The following SCFD2 variants were observed in gnomAD, a reference collection of about 807,000 sequenced individuals.
SCFD2 encodes the protein sec1 family domain containing 2.
SCFD2 carries 54 observed loss-of-function variants against 58.9 expected under a neutral mutation model. That is an observed-to-expected ratio of 0.92 (90% confidence interval 0.74 to 1.15). The LOEUF (loss-of-function observed/expected upper bound fraction) is 1.15, where lower values mean the gene tolerates loss of function less well. Ranked by LOEUF, SCFD2 falls within the 50% of genes most tolerant of loss-of-function variation. The pLI, the probability that SCFD2 is intolerant of heterozygous loss-of-function variation, is 0.00. For missense variants in SCFD2, 805 were observed against 836.6 expected (o/e 0.96, Z 0.47); for synonymous variants, 321 against 335.9 (o/e 0.96, Z 0.49).
At chr4:53,181,315 G>A (rs767864482) in intron 4 of SCFD2, among the ~76,000 whole-genome samples, 1 of 152,170 alleles carries the variant, frequency 6.6e-6, no homozygotes, top group Non-Finnish European at 1.5e-5. Flanking sequence ...CCATGATCAA[G>A]TGGGCTTCAT....
chr4:53,069,599 C>A (rs1723760688), intron 5 of SCFD2, among the ~76,000 whole-genome samples: 1 of 151,990 alleles, frequency 6.6e-6, no homozygotes, highest in African/African-American at 2.4e-5. Context: ...AAGAATGCTA[C>A]TTTTGTTTAT....
At chr4:53,237,191 G>T (rs1396331062) in intron 4 of SCFD2, among the ~76,000 whole-genome samples, 1 of 149,498 alleles carries the variant, frequency 6.7e-6, no homozygotes, top group South Asian at 2.2e-4. Context: ...CAAGGCAGAA[G>T]AATTTTTCTT....
chr4:53,254,758 TG>T (rs1290785598), intron 4 of SCFD2, among the ~76,000 whole-genome samples: 1 of 151,826 alleles, frequency 6.6e-6, no homozygotes, highest in Non-Finnish European at 1.5e-5. Context: ...GCACTGAAAT[TG>T]TGGCTGGTGC....
intron 5 of SCFD2, among the ~76,000 whole-genome samples, chr4:52,989,831 C>T (rs1306365532): frequency 6.6e-6 from 1 of 152,118 alleles, no homozygotes; most frequent in Non-Finnish European, 1.5e-5. Flanking sequence ...CTGATGCCCC[C>T]TCCCACCATC....
At chr4:52,905,667 G>C (rs1023138457) in intron 7 of SCFD2, among the ~76,000 whole-genome samples, 1 of 152,210 alleles carries the variant, frequency 6.6e-6, no homozygotes, top group East Asian at 1.9e-4. Context: ...GTTTGAAATG[G>C]AGAGAAACAC....
intron 4 of SCFD2, among the ~76,000 whole-genome samples, chr4:53,173,431 A>G (rs949401490): frequency 2.0e-5 from 3 of 152,108 alleles, no homozygotes; most frequent in Non-Finnish European, 4.4e-5. Flanking sequence ...TTTGTGTGGA[A>G]TATCTTTTTC....
intron 4 of SCFD2, among the ~76,000 whole-genome samples, chr4:53,186,470 T>C (rs950120149): frequency 3.3e-5 from 5 of 152,020 alleles, no homozygotes; most frequent in Admixed American, 6.6e-5. Flanking sequence ...AGAAAATGTT[T>C]GTTGAACTTA....
At chr4:53,297,528 T>C (rs1732085172) in intron 3 of SCFD2, among the ~76,000 whole-genome samples, 1 of 152,158 alleles carries the variant, frequency 6.6e-6, no homozygotes, top group Admixed American at 6.5e-5. Context: ...TCTATCCCCT[T>C]ATTTTGAGCC....
At chr4:53,101,323 C>T (rs1459424933) in intron 5 of SCFD2, among the ~76,000 whole-genome samples, 1 of 152,158 alleles carries the variant, frequency 6.6e-6, no homozygotes, top group Non-Finnish European at 1.5e-5. Flanking sequence ...CTCTTTGACT[C>T]TCTTTGATTC....
chr4:53,193,119 A>G (rs1308139206), intron 4 of SCFD2, among the ~76,000 whole-genome samples: 4 of 152,208 alleles, frequency 2.6e-5, no homozygotes, highest in African/African-American at 9.6e-5. Flanking sequence ...CTTTAAGGTC[A>G]GCCAAATAAA....
At chr4:53,117,216 C>T (rs1725349610) in intron 5 of SCFD2, among the ~76,000 whole-genome samples, 1 of 152,166 alleles carries the variant, frequency 6.6e-6, no homozygotes, top group African/African-American at 2.4e-5. Context: ...ACAAGAGGGG[C>T]CACATTTTAA....
At chr4:53,172,100 G>A in intron 4 of SCFD2, among the ~76,000 whole-genome samples, 1 of 151,822 alleles carries the variant, frequency 6.6e-6, no homozygotes, top group Non-Finnish European at 1.5e-5. Flanking sequence ...TTCATCTCCT[G>A]GGTTCAACTG....
At chr4:52,903,886 T>C (rs886667160) in intron 7 of SCFD2, among the ~76,000 whole-genome samples, 3 of 152,166 alleles carry the variant, frequency 2.0e-5, no homozygotes, top group Non-Finnish European at 4.4e-5. Context: ...AAGAAAAACA[T>C]TAGTCTGGAG....
rs564168074 is a variant in SCFD2 at position 53,219,326 on chromosome 4, G to A, written c.1311+54500C>T. ...GGCCACTTTGTTTACCTACTCAAGC[G>A]TCAGCAATGGCGGGCGCCCCTCCCC... On this transcript the variant is annotated intron_variant, in intron 4 of 8. Transcript: ENST00000401642. 5.3e-4 allele frequency among the ~76,000 whole-genome samples: 80 copies of A among 152,186 alleles called. 1 individual carries two copies. The highest frequency in any genetic ancestry group is 1.9e-3 in the African/African-American group (78 of 41,548).
At chr4:53,123,539 G>GGGGC (rs1560345951) in intron 5 of SCFD2, among the ~76,000 whole-genome samples, 117 of 132,648 alleles carry the variant, frequency 8.8e-4, no homozygotes, top group Non-Finnish European at 1.4e-3. Context: ...GGGTGGGGGG[G>GGGGC]GGGCACTGAC....
intron 3 of SCFD2, among the ~76,000 whole-genome samples, chr4:53,276,157 C>T (rs1307123411): frequency 6.6e-6 from 1 of 151,604 alleles, no homozygotes; most frequent in African/African-American, 2.4e-5. Context: ...TATTTTATCA[C>T]TCTTATCAAA....
intron 5 of SCFD2, among the ~76,000 whole-genome samples, chr4:53,009,216 C>T (rs1245941263): frequency 6.6e-6 from 1 of 152,196 alleles, no homozygotes; most frequent in Admixed American, 6.5e-5. Context: ...GTTGGTAGCG[C>T]TTCCTCTGTC....
intron 3 of SCFD2, among the ~76,000 whole-genome samples, chr4:53,285,137 A>G (rs1368941713): frequency 2.6e-5 from 4 of 152,224 alleles, no homozygotes; most frequent in African/African-American, 9.6e-5. Flanking sequence ...CAGAAAATAA[A>G]CAGCTCTCTC....
chr4:52,882,896 A>T (rs906706474), intron 8 of SCFD2, among the ~76,000 whole-genome samples: 2 of 152,176 alleles, frequency 1.3e-5, no homozygotes, highest in African/African-American at 4.8e-5. Context: ...GTGGGAGGGG[A>T]CAAATCCTCA....
Sources: gnomAD v4.1 joint callset for allele counts (sites outside exome capture counted in the v4.1 genomes callset) on GRCh38, gnomAD v4.1.1 for gene constraint, MANE v1.5 for transcripts, NCBI Gene and HGNC (gene_info 2026-07-23, HGNC 2026-07-21) for gene names.